The following ERC1 variants were observed in gnomAD, a reference collection of about 807,000 sequenced individuals.
The protein encoded by ERC1 is ELKS/RAB6-interacting/CAST family member 1.
A neutral mutation model predicts 132.0 loss-of-function variants in ERC1; 56 were observed. The observed-to-expected ratio is 0.42, with a 90% CI of 0.34 to 0.53. ERC1 has a LOEUF of 0.53. ERC1 is among the 20% of genes least tolerant of loss of function. The pLI is 0.03. For missense variants in ERC1, 1,202 were observed against 1,349.9 expected (o/e 0.89, Z 1.72); for synonymous variants, 478 against 476.1 (o/e 1.00, Z -0.05).
At chr12:1,158,226 CT>C (rs1304521975) in intron 8 of ERC1, among the ~76,000 whole-genome samples, 7 of 152,182 alleles carry the variant, frequency 4.6e-5, no homozygotes, top group Non-Finnish European at 1.0e-4. Context: ...ACCAATCCCC[CT>C]TCTTGATTTT....
chr12:1,377,183 G>A (rs1035362463), intron 16 of ERC1, among the ~76,000 whole-genome samples: 1 of 152,230 alleles, frequency 6.6e-6, no homozygotes, highest in Non-Finnish European at 1.5e-5. Flanking sequence ...CCTGAATCAA[G>A]TGAATAATAT....
At chr12:1,278,314 G>A (rs2078424946) in intron 14 of ERC1, among the ~76,000 whole-genome samples, 1 of 152,126 alleles carries the variant, frequency 6.6e-6, no homozygotes, top group South Asian at 2.1e-4. Context: ...TTAAGTTAGA[G>A]GAATGATAAA....
rs760151090 is a variant in ERC1, at chr12:1,274,556, G to A, written c.2619+11391G>A. Among the ~76,000 whole-genome samples, 18 of 151,596 alleles carry A rather than the reference G, an allele frequency of 1.2e-4. 1 individual carries two copies. The highest frequency in any genetic ancestry group is 2.2e-4 in the African/African-American group (9 of 41,230). The stretch of plus-strand genomic sequence containing the variant: ...TGCCCAGGCTGGAGTGCAGTGGTGC[G>A]GTCTTGGCTTGCTGCAACCTCCATC... On this transcript the variant is annotated intron_variant, in intron 14 of 18. Transcript: ENST00000360905.
At chr12:1,159,749 A>G (rs1951719484) in intron 8 of ERC1, among the ~76,000 whole-genome samples, 1 of 151,982 alleles carries the variant, frequency 6.6e-6, no homozygotes, top group Non-Finnish European at 1.5e-5. Flanking sequence ...TGACTTGTTT[A>G]GTTAGGATTT....
At chr12:1,265,288 A>G (rs2077405693) in intron 14 of ERC1, among the ~76,000 whole-genome samples, 1 of 151,844 alleles carries the variant, frequency 6.6e-6, no homozygotes, top group African/African-American at 2.4e-5. Context: ...AACATCAGAG[A>G]TCATGCAGAG....
At chr12:1,353,282 G>A (rs140942363) in intron 15 of ERC1, among the ~76,000 whole-genome samples, 5,282 of 152,070 alleles carry the variant, frequency 0.035, 111 homozygotes, top group African/African-American at 0.045. Flanking sequence ...CGCCTGCCTC[G>A]GCCTCCCAAA....
In ERC1 at chr12:1,394,096, A is replaced by G. The variant is rs191402053; in HGVS notation, c.2926-14053A>G. Reference sequence around the variant, plus strand: ...CTGTATATTTAGTAAGGAAGTGATCATACTTTAAAAAAAAACTTTTTAGGC... The same window carrying G: ...CTGTATATTTAGTAAGGAAGTGATCGTACTTTAAAAAAAAACTTTTTAGGC... On this transcript the variant is annotated intron_variant, in intron 16 of 18. Transcript: ENST00000360905. Among the ~76,000 whole-genome samples, 50 of 150,028 alleles carry G rather than the reference A, an allele frequency of 3.3e-4. 1 individual carries two copies. In the East Asian group the frequency reaches 9.3e-3, roughly 28 times the overall value.
intron 3 of ERC1, among the ~76,000 whole-genome samples, chr12:1,104,126 T>TAA (rs368864717): frequency 1.4e-4 from 18 of 125,248 alleles, no homozygotes; most frequent in African/African-American, 3.8e-4. Flanking sequence ...AAAATTTGGG[T>TAA]AAAAAAAAAA....
At chr12:1,172,578 TATC>T (rs1953189697) in intron 8 of ERC1, among the ~76,000 whole-genome samples, 1 of 152,208 alleles carries the variant, frequency 6.6e-6, no homozygotes, top group South Asian at 2.1e-4. Flanking sequence ...CCCCTTCTAT[TATC>T]ATTGACGGCA....
intron 12 of ERC1, among the ~76,000 whole-genome samples, chr12:1,226,069 A>G (rs1015898546): frequency 1.3e-5 from 2 of 152,370 alleles, no homozygotes; most frequent in Non-Finnish European, 2.9e-5. Context: ...AGTAAGGAGA[A>G]TAAATATAAA....
intron 2 of ERC1, among the ~76,000 whole-genome samples, chr12:1,068,649 T>C (rs1427598158): frequency 6.6e-6 from 1 of 152,226 alleles, no homozygotes; most frequent in Non-Finnish European, 1.5e-5. Flanking sequence ...TATTGATAAT[T>C]TTGTTTTTTA....
At chr12:1,268,093 G>C (rs756469594) in intron 14 of ERC1, among the ~76,000 whole-genome samples, 1 of 152,178 alleles carries the variant, frequency 6.6e-6, no homozygotes, top group Non-Finnish European at 1.5e-5. Context: ...TTTTCAGAAT[G>C]AACAGTTGCC....
chr12:1,071,480 A>T (rs1940344337), intron 2 of ERC1, among the ~76,000 whole-genome samples: 1 of 151,920 alleles, frequency 6.6e-6, no homozygotes, highest in Admixed American at 6.6e-5. Flanking sequence ...CCTTAGAAGA[A>T]CGTTCATCTT....
intron 15 of ERC1, among the ~76,000 whole-genome samples, chr12:1,293,944 T>G (rs907290307): frequency 6.6e-6 from 1 of 152,222 alleles, no homozygotes; most frequent in Non-Finnish European, 1.5e-5. Flanking sequence ...GGTTGAATGT[T>G]ATGTAGGAAA....
intron 16 of ERC1, among the ~76,000 whole-genome samples, chr12:1,405,100 A>G (rs988896050): frequency 2.6e-5 from 4 of 151,828 alleles, no homozygotes; most frequent in African/African-American, 7.3e-5. Flanking sequence ...AGATCTCGCC[A>G]CTGCATTCCA....
intron 15 of ERC1, among the ~76,000 whole-genome samples, chr12:1,360,001 T>G (rs1256968216): frequency 6.6e-6 from 1 of 152,130 alleles, no homozygotes; most frequent in Non-Finnish European, 1.5e-5. Context: ...TTAATGTAAA[T>G]CTTAAAAATT....
At chr12:1,372,080 A>C in intron 16 of ERC1, 103 bp downstream of exon 16, 1 of 1,345,652 alleles carries the variant, frequency 7.4e-7, no homozygotes, top group Non-Finnish European at 1.0e-6. Flanking sequence ...GTTTCATATT[A>C]GACATCTGAT....
At chr12:1,367,879 T>C (rs1049601130) in intron 15 of ERC1, among the ~76,000 whole-genome samples, 1 of 151,762 alleles carries the variant, frequency 6.6e-6, no homozygotes, top group African/African-American at 2.4e-5. Flanking sequence ...CTCATTATGC[T>C]AATAATGTGC....
At chr12:1,398,374 A>G (rs2090722307) in intron 16 of ERC1, among the ~76,000 whole-genome samples, 1 of 152,228 alleles carries the variant, frequency 6.6e-6, no homozygotes. Context: ...AGAGAAAACA[A>G]ATAACAAGTA....
Sources: gnomAD v4.1 joint callset for allele counts (sites outside exome capture counted in the v4.1 genomes callset) on GRCh38, gnomAD v4.1.1 for gene constraint, MANE v1.5 for transcripts, NCBI Gene and HGNC (gene_info 2026-07-23, HGNC 2026-07-21) for gene names.